CCDC3: variants seen among roughly 807,000 people sequenced by gnomAD.
CCDC3 encodes the protein coiled-coil domain-containing protein 3.
CCDC3 carries 24 observed loss-of-function variants against 21.4 expected under a neutral mutation model. That is an observed-to-expected ratio of 1.12 (90% confidence interval 0.81 to 1.58). CCDC3 has a LOEUF of 1.58. Among genes scored for constraint, CCDC3 ranks in the 40% most tolerant of loss-of-function variants. CCDC3 has a pLI of 0.00. For synonymous variants in CCDC3, 186 were observed against 166.0 expected (o/e 1.12, Z -0.93); for missense variants, 425 against 360.9 (o/e 1.18, Z -1.44).
chr10:13,016,997 T>A (rs1340919864), intron 5 of CCDC3, among the ~76,000 whole-genome samples: 3 of 152,034 alleles, frequency 2.0e-5, no homozygotes, highest in Non-Finnish European at 4.4e-5. Context: ...TCTGCCAGTT[T>A]AAGCATCTGC....
intron 3 of CCDC3, among the ~76,000 whole-genome samples, chr10:13,087,513 C>A (rs963613034): frequency 2.6e-5 from 4 of 151,898 alleles, no homozygotes; most frequent in African/African-American, 9.7e-5. Flanking sequence ...CACCTTATAA[C>A]AGAAGACCAG....
At chr10:13,078,031 C>T (rs1344182597) in intron 3 of CCDC3, among the ~76,000 whole-genome samples, 13 of 152,182 alleles carry the variant, frequency 8.5e-5, no homozygotes, top group Admixed American at 7.9e-4. Flanking sequence ...AACTAAAGAG[C>T]TTCTGCACAG....
At chr10:13,080,963 C>T (rs187384253) in intron 3 of CCDC3, among the ~76,000 whole-genome samples, 128 of 152,318 alleles carry the variant, frequency 8.4e-4, no homozygotes, top group Middle Eastern at 3.4e-3. Flanking sequence ...GCCGAGACCT[C>T]GAGAGAGGGG....
intron 5 of CCDC3, among the ~76,000 whole-genome samples, chr10:13,022,013 G>C (rs559007801): frequency 6.6e-6 from 1 of 152,188 alleles, no homozygotes; most frequent in Non-Finnish European, 1.5e-5. Flanking sequence ...GCCTGCCTTG[G>C]CCTCCCAAAG....
chr10:13,082,600 C>A (rs773892048), intron 3 of CCDC3, among the ~76,000 whole-genome samples: 1 of 152,136 alleles, frequency 6.6e-6, no homozygotes, highest in South Asian at 2.1e-4. Flanking sequence ...ACTCCCTTTC[C>A]CGGTTTGCTA....
intron 5 of CCDC3, among the ~76,000 whole-genome samples, chr10:13,023,779 C>A (rs1209258344): frequency 6.6e-6 from 1 of 152,152 alleles, no homozygotes; most frequent in Non-Finnish European, 1.5e-5. Flanking sequence ...AGAATCTCAT[C>A]ATCCAAATCA....
chr10:12,994,808 C>T (rs1835734763), intron 2 of CCDC3, among the ~76,000 whole-genome samples: 1 of 151,742 alleles, frequency 6.6e-6, no homozygotes, highest in South Asian at 2.1e-4. Context: ...AGGCCAGGCA[C>T]GGTGGCTCAC....
chr10:13,048,337 G>A (rs574390479), intron 5 of CCDC3, among the ~76,000 whole-genome samples: 1 of 152,018 alleles, frequency 6.6e-6, no homozygotes, highest in Admixed American at 6.6e-5. Flanking sequence ...GACTACAGGT[G>A]CGCACCACCA....
chr10:12,899,333 T>G lies in CCDC3; in HGVS notation c.550-654A>C, dbSNP rs1412903441. Among the ~76,000 whole-genome samples the G allele has an allele frequency of 2.0e-5, 3 of 152,142 alleles. No homozygotes were observed. In the East Asian group the frequency reaches 5.8e-4, roughly 29 times the overall value. ...TTTTTCACATATTAGATTGGCAAAA[T>G]TTCAGAGTCAGGATTTGGGAAAACA... On this transcript the variant is annotated intron_variant, in intron 2 of 2. Transcript: ENST00000378825.
intron 2 of CCDC3, among the ~76,000 whole-genome samples, chr10:12,902,267 T>G (rs1378568811): frequency 6.6e-6 from 1 of 152,186 alleles, no homozygotes; most frequent in Non-Finnish European, 1.5e-5. Context: ...GAAGCTGCTG[T>G]TACAGGGGAG....
chr10:13,031,331 G>A (rs1836297768), intron 5 of CCDC3, among the ~76,000 whole-genome samples: 1 of 152,082 alleles, frequency 6.6e-6, no homozygotes, highest in African/African-American at 2.4e-5. Context: ...GAATCTCTGG[G>A]ACACATTTAA....
At chr10:12,976,294 G>A (rs530793244) in intron 2 of CCDC3, among the ~76,000 whole-genome samples, 16 of 152,320 alleles carry the variant, frequency 1.1e-4, no homozygotes, top group African/African-American at 3.1e-4. Flanking sequence ...GCATTCATTC[G>A]TTCATTCATT....
At chr10:13,029,842 G>A (rs1836275827) in intron 5 of CCDC3, among the ~76,000 whole-genome samples, 1 of 152,184 alleles carries the variant, frequency 6.6e-6, no homozygotes. Context: ...GGGACTAGGT[G>A]AAAAGACCAA....
rs183664991 is a variant in CCDC3, at chr10:13,078,869, G to A, written c.-502-4769C>T. The stretch of plus-strand genomic sequence containing the variant: ...ACAACGGGGCCTGTCGTGGGGTGGG[G>A]GGAGGTGGGGAGGGATAGCATTAGG... On this transcript the variant is annotated intron_variant, in intron 3 of 6. Coordinates refer to the CCDC3 transcript ENST00000378839. Among the ~76,000 whole-genome samples the A allele has an allele frequency of 5.1e-3, 777 of 152,054 alleles. 4 individuals carry two copies. Among genetic ancestry groups the A allele is most frequent in the African/African-American group, 0.017 (699 of 41,446 alleles).
chr10:13,043,544 G>A (rs934729385), intron 5 of CCDC3, among the ~76,000 whole-genome samples: 1 of 152,084 alleles, frequency 6.6e-6, no homozygotes, highest in African/African-American at 2.4e-5. Context: ...AGTGAGCTGT[G>A]ATCACACCAC....
At chr10:12,994,866 A>C (rs1260208035) in intron 2 of CCDC3, among the ~76,000 whole-genome samples, 1 of 152,054 alleles carries the variant, frequency 6.6e-6, no homozygotes, top group Non-Finnish European at 1.5e-5. Flanking sequence ...GGATCATCTG[A>C]GGTCAGGAGT....
At chr10:12,947,496 G>T (rs1375381180) in intron 2 of CCDC3, among the ~76,000 whole-genome samples, 1 of 152,214 alleles carries the variant, frequency 6.6e-6, no homozygotes, top group Non-Finnish European at 1.5e-5. Context: ...CCATGTGCCA[G>T]AGTGTTGGGT....
chr10:13,037,988 A>G (rs1836400437), intron 5 of CCDC3, among the ~76,000 whole-genome samples: 1 of 152,172 alleles, frequency 6.6e-6, no homozygotes, highest in Non-Finnish European at 1.5e-5. Flanking sequence ...CAGGTCTCCA[A>G]CAGATTTCAA....
At chr10:12,901,431 C>T in intron 2 of CCDC3, among the ~76,000 whole-genome samples, 1 of 152,116 alleles carries the variant, frequency 6.6e-6, no homozygotes, top group East Asian at 1.9e-4. Flanking sequence ...AGCCACCAAG[C>T]CCGGCTCATT....
Sources: gnomAD v4.1 joint callset for allele counts (sites outside exome capture counted in the v4.1 genomes callset) on GRCh38, gnomAD v4.1.1 for gene constraint, MANE v1.5 for transcripts, NCBI Gene and HGNC (gene_info 2026-07-23, HGNC 2026-07-21) for gene names.